SLAMF9: variants seen among roughly 807,000 people sequenced by gnomAD.
SLAMF9 encodes the protein CD2 family member 10.
A neutral mutation model predicts 30.4 loss-of-function variants in SLAMF9; 25 were observed. That is an observed-to-expected ratio of 0.82 (90% CI 0.60 to 1.15). The LOEUF is 1.15. Ranked by LOEUF, SLAMF9 falls within the 50% of genes most tolerant of loss-of-function variation. The pLI, the probability that SLAMF9 is intolerant of heterozygous loss-of-function variation, is 0.00. For missense variants in SLAMF9, 344 were observed against 346.1 expected, an observed-to-expected ratio of 0.99 and a Z score of 0.05; for synonymous variants, 129 against 127.2, an observed-to-expected ratio of 1.01 and a Z score of -0.09.
At chr1:159,960,182 C>T in the SLAMF9 span, among the ~76,000 whole-genome samples, 2 of 115,656 alleles carry the variant, frequency 1.7e-5, no homozygotes, top group Non-Finnish European at 3.3e-5. Context: ...CACCCCACAA[C>T]AGTCCCCGGT....
chr1:159,972,908 G>T, the SLAMF9 span: 5 of 1,000,594 alleles, frequency 5.0e-6, no homozygotes, highest in Non-Finnish European at 6.9e-6. Flanking sequence ...CTCTCCTGGG[G>T]ACACTTCCCA....
the SLAMF9 span, among the ~76,000 whole-genome samples, chr1:159,963,565 T>C: frequency 6.6e-6 from 1 of 152,294 alleles, no homozygotes; most frequent in East Asian, 1.9e-4. Context: ...CTCTCAGGCT[T>C]CACACATCTC....
the SLAMF9 span, among the ~76,000 whole-genome samples, chr1:159,961,929 C>T: frequency 3.3e-5 from 5 of 151,060 alleles, no homozygotes; most frequent in South Asian, 8.4e-4. Flanking sequence ...GAGGCGGAGG[C>T]GGGCGGATCA....
upstream of SLAMF9, among the ~76,000 whole-genome samples, chr1:159,958,858 GTCT>G: frequency 6.6e-6 from 1 of 152,252 alleles, no homozygotes; most frequent in Middle Eastern, 3.4e-3. Context: ...CAGTGGGGTA[GTCT>G]TCTCTGCCTC....
At chr1:159,963,539 G>A in the SLAMF9 span, among the ~76,000 whole-genome samples, 1 of 152,106 alleles carries the variant, frequency 6.6e-6, no homozygotes, top group East Asian at 1.9e-4. Flanking sequence ...CACTGTAAGG[G>A]CAACCCATTC....
chr1:159,952,411 C>T lies in SLAMF9; in HGVS notation c.515G>A (p.Arg172Gln), dbSNP rs781175050. The T allele has an allele frequency of 2.5e-5, 40 of 1,613,930 alleles. No homozygotes were observed. The highest frequency in any genetic ancestry group is 1.9e-4 in the South Asian group (17 of 91,088). The change falls in exon 3 of 4, where the codon CGG becomes CAG. Residue 172 changes from arginine (R) to glutamine (Q), a missense_variant. Arg to Gln is a conservative substitution (Grantham distance 43, BLOSUM62 1). Transcript: ENST00000368093. ...ATGGAATGTATAAGTGCTATCCCCC[C>T]GGGAGAGCCAGCTGTAGGTCATATC... ...GMDMTYSWLS[R>Q]GDSTYTFHEG...
chr1:159,966,205 A>G, the SLAMF9 span, among the ~76,000 whole-genome samples: 1 of 152,154 alleles, frequency 6.6e-6, no homozygotes, highest in Non-Finnish European at 1.5e-5. Flanking sequence ...ATCATGCAGT[A>G]TTTACCTTTC....
the SLAMF9 span, among the ~76,000 whole-genome samples, chr1:159,980,245 G>A: frequency 2.2e-4 from 33 of 152,252 alleles, no homozygotes; most frequent in African/African-American, 5.3e-4. Flanking sequence ...ACTTGGACCT[G>A]CTCCTGTCAG....
At chr1:159,957,015 G>C (rs534803341), upstream of SLAMF9, among the ~76,000 whole-genome samples, 2 of 150,922 alleles carry the variant, frequency 1.3e-5, no homozygotes, top group East Asian at 3.9e-4. Context: ...TCAGCTACTC[G>C]GGAGGCTGAG....
At chr1:159,966,084 T>C in the SLAMF9 span, among the ~76,000 whole-genome samples, 1 of 152,220 alleles carries the variant, frequency 6.6e-6, no homozygotes, top group Non-Finnish European at 1.5e-5. Context: ...TGAAACTTTG[T>C]ACCCTCAGAC....
At chr1:159,975,256 G>A in the SLAMF9 span, among the ~76,000 whole-genome samples, 1 of 152,268 alleles carries the variant, frequency 6.6e-6, no homozygotes, top group Non-Finnish European at 1.5e-5. Context: ...AGTGTAGAAA[G>A]CGAAAAAAGA....
rs962995720 is a variant in SLAMF9 at position 159,952,621 on chromosome 1, C to A, written c.392-87G>T. 3 of 1,398,404 alleles carry A rather than the reference C, an allele frequency of 2.1e-6. No individual in the cohort carries two copies. In the African/African-American group the frequency reaches 4.2e-5, roughly 20 times the overall value. 86.6% of individuals were successfully genotyped at this position (1,398,404 alleles called of 1,614,324 possible). A position where few individuals can be genotyped will look rare whatever the true frequency, so the allele number is the denominator to read the frequency against. ...GCTCCTCAAACCTGGGGTACTAATG[C>A]TACCCCTTGACAGCCCCTGCACCTA... On this transcript the variant is annotated intron_variant, in intron 2 of 3. Transcript: ENST00000368093.
chr1:159,955,042 C>T (rs1206865788), upstream of SLAMF9, among the ~76,000 whole-genome samples: 1 of 147,528 alleles, frequency 6.8e-6, no homozygotes, highest in Non-Finnish European at 1.5e-5. Flanking sequence ...TGTGCCACTG[C>T]ACTCCAGCCT....
the SLAMF9 span, among the ~76,000 whole-genome samples, chr1:159,961,930 G>A: frequency 1.3e-3 from 195 of 152,108 alleles, 2 homozygotes; most frequent in Non-Finnish European, 2.1e-3. Context: ...AGGCGGAGGC[G>A]GGCGGATCAC....
At chr1:159,976,455 T>C in the SLAMF9 span, among the ~76,000 whole-genome samples, 1 of 152,162 alleles carries the variant, frequency 6.6e-6, no homozygotes, top group African/African-American at 2.4e-5. Flanking sequence ...CATATGCATA[T>C]AAAATGTTTA....
chr1:159,967,756 G>A, the SLAMF9 span, among the ~76,000 whole-genome samples: 1 of 152,272 alleles, frequency 6.6e-6, no homozygotes, highest in Admixed American at 6.5e-5. Flanking sequence ...TGCCGTTTAT[G>A]TGTGTTTTCA....
At chr1:159,981,776 G>T in the SLAMF9 span, among the ~76,000 whole-genome samples, 46 of 152,362 alleles carry the variant, frequency 3.0e-4, 1 homozygote, top group East Asian at 8.5e-3. Flanking sequence ...AGCACAGAGG[G>T]TGCCAGAAAC....
chr1:159,970,675 A>G, the SLAMF9 span, among the ~76,000 whole-genome samples: 4 of 152,166 alleles, frequency 2.6e-5, no homozygotes, highest in Admixed American at 2.6e-4. Context: ...TTATCTTGCG[A>G]CAGTGTGTAC....
At chr1:159,978,482 G>T in the SLAMF9 span, 1 of 152,116 alleles carries the variant, frequency 6.6e-6, no homozygotes, top group African/African-American at 2.4e-5. Context: ...ATGCTAAGAG[G>T]GCATCCAGAC....
Sources: allele counts gnomAD v4.1 joint callset (sites outside exome capture counted in the v4.1 genomes callset), GRCh38; gene constraint gnomAD v4.1.1; transcripts MANE v1.5; gene names NCBI Gene and HGNC (gene_info 2026-07-23, HGNC 2026-07-21).